USP37: variants seen among roughly 807,000 people sequenced by gnomAD.
USP37 encodes ubiquitin carboxyl-terminal hydrolase 37.
USP37 carries 27 observed loss-of-function variants against 124.0 expected under a neutral mutation model. That is an observed-to-expected ratio of 0.22 (90% CI 0.16 to 0.30). The LOEUF is 0.30. USP37 is among the 10% of genes least tolerant of loss of function. The probability of loss-of-function intolerance (pLI) is 1.00; values close to 1 mark genes in which losing one functional copy is unlikely to be tolerated. For synonymous variants in USP37, 365 were observed against 388.0 expected, an observed-to-expected ratio of 0.94 and a Z score of 0.70; for missense variants, 889 against 1,140.4, an observed-to-expected ratio of 0.78 and a Z score of 3.17.
chr2:218,460,514 ATCC>A (rs1689959354), intron 22 of USP37, among the ~76,000 whole-genome samples: 1 of 152,210 alleles, frequency 6.6e-6, no homozygotes, highest in Non-Finnish European at 1.5e-5. Context: ...TTTACATATA[ATCC>A]AATTTCACTA....
In USP37 at chr2:218,558,490, G is replaced by A. The variant is rs757531175; in HGVS notation, c.156+8C>T. On this transcript the variant is annotated splice_region_variant and intron_variant, in intron 4 of 25. Transcript: ENST00000258399. ...CAAGAGCTATTCCAAATCAATATTT[G>A]GTATTACCTGAAATATCCTTGGAAT... The A allele has an allele frequency of 1.4e-5, 23 of 1,606,168 alleles. No individual in the cohort carries two copies. The highest frequency in any genetic ancestry group is 1.4e-5 in the Non-Finnish European group (17 of 1,175,982).
intron 20 of USP37, among the ~76,000 whole-genome samples, chr2:218,470,263 A>G (rs1690602307): frequency 6.6e-6 from 1 of 152,194 alleles, no homozygotes; most frequent in Admixed American, 6.5e-5. Flanking sequence ...TCTGAGGATC[A>G]TATGTGACTT....
chr2:218,532,953 TA>T (rs923341539), intron 9 of USP37, among the ~76,000 whole-genome samples: 4 of 151,804 alleles, frequency 2.6e-5, no homozygotes, highest in South Asian at 2.1e-4. Flanking sequence ...ACTTTATTAT[TA>T]TTTTTTTTTT....
At chr2:218,552,725 T>C (rs916648012) in intron 5 of USP37, among the ~76,000 whole-genome samples, 5 of 152,220 alleles carry the variant, frequency 3.3e-5, no homozygotes, top group African/African-American at 1.2e-4. Flanking sequence ...GTGATTTTTT[T>C]ACAGGACTCA....
At chr2:218,536,718 T>A (rs1474449016) in intron 8 of USP37, among the ~76,000 whole-genome samples, 1 of 152,166 alleles carries the variant, frequency 6.6e-6, no homozygotes, top group Admixed American at 6.5e-5. Context: ...TGCACACTAA[T>A]CTCCATTTCA....
At chr2:218,529,644 CAG>C (rs1691200876) in intron 10 of USP37, among the ~76,000 whole-genome samples, 1 of 151,692 alleles carries the variant, frequency 6.6e-6, no homozygotes, top group Non-Finnish European at 1.5e-5. Context: ...TTTTTTGAGA[CAG>C]GGTCTCGTTC....
chr2:218,542,292 G>A (rs1692024760), intron 8 of USP37, among the ~76,000 whole-genome samples: 1 of 152,166 alleles, frequency 6.6e-6, no homozygotes. Context: ...TGGTGTAAAA[G>A]TATTAGTAAC....
At chr2:218,520,345 C>CTTTT (rs542332442) in intron 10 of USP37, among the ~76,000 whole-genome samples, 1 of 125,904 alleles carries the variant, frequency 7.9e-6, no homozygotes, top group East Asian at 2.2e-4. Context: ...TTGCCAACAG[C>CTTTT]TTTTTTTTTT....
At position 218,509,582 on chromosome 2, in the gene USP37, T is replaced by C. The variant is rs13393718; in HGVS notation, c.1025+397A>G. ...CAACATAGTGAGATCCCATTTCTAT[T>C]AAAAAAAAAATTTAAAAGATAGCTA... On this transcript the variant is annotated intron_variant, in intron 11 of 25. Transcript: ENST00000258399. Among the ~76,000 whole-genome samples the C allele has an allele frequency of 4.0e-3, 597 of 149,982 alleles. 7 individuals are homozygous for C. Among genetic ancestry groups the C allele is most frequent in the African/African-American group, 0.014 (558 of 41,018 alleles).
intron 19 of USP37, among the ~76,000 whole-genome samples, chr2:218,475,628 T>C (rs1174570290): frequency 6.6e-6 from 1 of 152,088 alleles, no homozygotes; most frequent in Non-Finnish European, 1.5e-5. Context: ...TCCCAGCTAC[T>C]AGGGAGACAG....
intron 10 of USP37, among the ~76,000 whole-genome samples, chr2:218,520,423 C>T (rs1415781914): frequency 3.4e-5 from 5 of 147,588 alleles, no homozygotes; most frequent in Non-Finnish European, 7.4e-5. Flanking sequence ...GAACTTGGCT[C>T]ACTGCAACCT....
chr2:218,457,178 G>C lies in USP37; in HGVS notation c.2644-17C>G, dbSNP rs1169095249. 2 of 1,609,412 alleles carry C rather than the reference G, an allele frequency of 1.2e-6. No homozygotes were observed. The highest frequency in any genetic ancestry group is 1.7e-5 in the Admixed American group (1 of 59,436). ...ATTTCCTGTCTGGAAAACAGAAGTG[G>C]GTATAACTTTTAAGTCTTCATTTGA... On this transcript the variant is annotated splice_polypyrimidine_tract_variant and intron_variant, in intron 23 of 25. Transcript: ENST00000258399.
At chr2:218,530,870 A>G (rs1464541517) in intron 9 of USP37, among the ~76,000 whole-genome samples, 1 of 152,248 alleles carries the variant, frequency 6.6e-6, no homozygotes, top group Non-Finnish European at 1.5e-5. Context: ...CTCTTAAGCT[A>G]AAGCCTAATC....
chr2:218,461,349 A>T (rs1336698524), intron 22 of USP37, among the ~76,000 whole-genome samples: 1 of 151,972 alleles, frequency 6.6e-6, no homozygotes, highest in Non-Finnish European at 1.5e-5. Context: ...TCTACTAAAA[A>T]TACAAAATTA....
At chr2:218,461,717 A>G (rs2106407493) in intron 22 of USP37, among the ~76,000 whole-genome samples, 2 of 152,112 alleles carry the variant, frequency 1.3e-5, no homozygotes, top group Admixed American at 1.3e-4. Context: ...AAGACATGGA[A>G]GAACTAGGCC....
At chr2:218,557,748 G>A (rs1693083677) in intron 4 of USP37, among the ~76,000 whole-genome samples, 3 of 141,316 alleles carry the variant, frequency 2.1e-5, no homozygotes, top group African/African-American at 5.3e-5. Flanking sequence ...CCAACATGGT[G>A]AAACCCTGTC....
intron 21 of USP37, among the ~76,000 whole-genome samples, chr2:218,464,227 G>C (rs1319144724): frequency 2.0e-5 from 3 of 151,442 alleles, no homozygotes; most frequent in Non-Finnish European, 4.4e-5. Flanking sequence ...CTGATCTAGA[G>C]AAATTAGATT....
At chr2:218,528,562 TG>T (rs2106023026) in intron 10 of USP37, 1 of 383,728 alleles carries the variant, frequency 2.6e-6, no homozygotes, top group East Asian at 3.8e-5. Flanking sequence ...CTGAGAATGA[TG>T]GTTTTCAGCT....
chr2:218,465,217 T>C (rs1690247869), intron 21 of USP37, among the ~76,000 whole-genome samples: 1 of 152,188 alleles, frequency 6.6e-6, no homozygotes, highest in African/African-American at 2.4e-5. Context: ...AACAAATACA[T>C]TGCCTTAAAA....
Sources: allele counts gnomAD v4.1 joint callset (sites outside exome capture counted in the v4.1 genomes callset), GRCh38; gene constraint gnomAD v4.1.1; transcripts MANE v1.5; gene names NCBI Gene and HGNC (gene_info 2026-07-23, HGNC 2026-07-21).